Variants in TCF4 observed in about 807,000 individuals in gnomAD.
The protein encoded by TCF4 is transcription factor 4.
In TCF4, 3 loss-of-function variants were observed where a neutral mutation model predicts 82.1. That is an observed-to-expected ratio of 0.04 (90% CI 0.02 to 0.09). The LOEUF is 0.09. TCF4 is among the 10% of genes least tolerant of loss of function. The pLI is 1.00. For missense variants in TCF4, 518 were observed against 852.7 expected, an observed-to-expected ratio of 0.61 and a Z score of 4.89; for synonymous variants, 276 against 309.6, an observed-to-expected ratio of 0.89 and a Z score of 1.14.
chr18:55,330,411 C>T (rs2077337534), intron 8 of TCF4, among the ~76,000 whole-genome samples: 1 of 152,016 alleles, frequency 6.6e-6, no homozygotes, highest in African/African-American at 2.4e-5. Flanking sequence ...ATCTCTTGAC[C>T]TCGTGATCCG....
At chr18:55,423,627 A>T (rs2094865802) in intron 5 of TCF4, 1 of 152,248 alleles carries the variant, frequency 6.6e-6, no homozygotes, top group South Asian at 2.1e-4. Flanking sequence ...GAAAAACAAC[A>T]CAGAGCAGAT....
At chr18:55,453,527 T>C (rs961975339) in intron 5 of TCF4, among the ~76,000 whole-genome samples, 1 of 152,232 alleles carries the variant, frequency 6.6e-6, no homozygotes, top group Non-Finnish European at 1.5e-5. Context: ...TTAGAAGGTC[T>C]ATACATCTCT....
intron 8 of TCF4, among the ~76,000 whole-genome samples, chr18:55,320,480 T>A (rs2075224240): frequency 6.6e-6 from 1 of 152,246 alleles, no homozygotes; most frequent in South Asian, 2.1e-4. Context: ...AAACTGCACC[T>A]TCAAACAGTT....
intron 8 of TCF4, among the ~76,000 whole-genome samples, chr18:55,342,623 A>G (rs1430826226): frequency 6.6e-6 from 1 of 152,176 alleles, no homozygotes; most frequent in African/African-American, 2.4e-5. Context: ...AAAATGAGCT[A>G]AACACTGCTG....
intron 8 of TCF4, among the ~76,000 whole-genome samples, chr18:55,340,569 G>A (rs2079693380): frequency 1.6e-5 from 2 of 123,296 alleles, no homozygotes; most frequent in Non-Finnish European, 3.3e-5. Flanking sequence ...AGGTGACAGA[G>A]CAAGACCCCA....
intron 3 of TCF4, among the ~76,000 whole-genome samples, chr18:55,556,245 C>G (rs1032024310): frequency 3.3e-5 from 5 of 152,000 alleles, no homozygotes; most frequent in African/African-American, 1.2e-4. Context: ...CCACAATGCT[C>G]TGTATCTCAC....
intron 17 of TCF4, chr18:55,229,332 T>C (rs1020996379): frequency 7.7e-6 from 4 of 519,094 alleles, no homozygotes; most frequent in South Asian, 6.0e-5. Flanking sequence ...AAAGTTAGAG[T>C]GCAGGGTGTG....
chr18:55,358,464 T>C (rs999424425), intron 6 of TCF4, among the ~76,000 whole-genome samples: 1 of 152,212 alleles, frequency 6.6e-6, no homozygotes, highest in Non-Finnish European at 1.5e-5. Flanking sequence ...GTCTGCTAAG[T>C]GCCAGGCACA....
intron 1 of TCF4, chr18:55,635,568 G>T: frequency 2.7e-6 from 3 of 1,126,454 alleles, no homozygotes; most frequent in Non-Finnish European, 3.6e-6. Context: ...GGCAGGCCAA[G>T]TGCTGTGGAG....
rs2087283372 is a variant in TCF4 at position 55,366,818 on chromosome 18, A to G, written c.370-15815T>C. 2.6e-5 allele frequency among the ~76,000 whole-genome samples: 4 copies of G among 152,024 alleles called. No individual in the cohort carries two copies. The South Asian group carries it at 8.3e-4, about 31-fold the overall frequency. ...TTTTTCATTGCTGGTGAGCATTTTC[A>G]TATGTTTGCTCCATGGTCATTTTTT... On this transcript the variant is annotated intron_variant, in intron 6 of 19. Transcript: ENST00000354452.
At chr18:55,402,887 G>A (rs1219209215) in intron 6 of TCF4, among the ~76,000 whole-genome samples, 4 of 152,130 alleles carry the variant, frequency 2.6e-5, no homozygotes, top group Non-Finnish European at 4.4e-5. Flanking sequence ...TCTAGCTCAC[G>A]CATGCTTCCC....
chr18:55,603,822 G>C (rs2097699650), intron 2 of TCF4, among the ~76,000 whole-genome samples: 6 of 152,154 alleles, frequency 3.9e-5, no homozygotes, highest in Admixed American at 2.6e-4. Context: ...TTTGTTAGGA[G>C]GCCAGGAGAT....
At chr18:55,513,148 C>T (rs889379081) in intron 3 of TCF4, among the ~76,000 whole-genome samples, 18 of 152,144 alleles carry the variant, frequency 1.2e-4, no homozygotes, top group African/African-American at 1.7e-4. Context: ...GGCATGAAGA[C>T]GATAAAACAG....
At chr18:55,384,044 TCA>T (rs2092333400) in intron 6 of TCF4, 1 of 152,178 alleles carries the variant, frequency 6.6e-6, no homozygotes, top group South Asian at 2.1e-4. Context: ...TAAGAAAGAC[TCA>T]CAGTCACCTT....
At chr18:55,611,932 C>A (rs2097707428) in intron 2 of TCF4, among the ~76,000 whole-genome samples, 1 of 152,088 alleles carries the variant, frequency 6.6e-6, no homozygotes, top group Admixed American at 6.6e-5. Flanking sequence ...CCATGCCCAG[C>A]TCATTTTTTT....
At chr18:55,319,977 G>GAA (rs2075091112) in intron 8 of TCF4, among the ~76,000 whole-genome samples, 1 of 152,116 alleles carries the variant, frequency 6.6e-6, no homozygotes, top group African/African-American at 2.4e-5. Flanking sequence ...TATAATGTAA[G>GAA]TCTTTCATTA....
intron 5 of TCF4, among the ~76,000 whole-genome samples, chr18:55,443,060 G>A (rs1282523019): frequency 6.6e-6 from 1 of 152,204 alleles, no homozygotes; most frequent in African/African-American, 2.4e-5. Context: ...TGACCCTGCT[G>A]GCTTGTCACC....
At chr18:55,450,780 T>C (rs1385649853) in intron 5 of TCF4, among the ~76,000 whole-genome samples, 1 of 152,224 alleles carries the variant, frequency 6.6e-6, no homozygotes, top group Non-Finnish European at 1.5e-5. Flanking sequence ...AACTATCTCC[T>C]TGATGAAAAC....
intron 2 of TCF4, among the ~76,000 whole-genome samples, chr18:55,609,338 T>C (rs943287958): frequency 3.9e-5 from 6 of 152,184 alleles, no homozygotes; most frequent in Non-Finnish European, 7.4e-5. Flanking sequence ...AGGTTTTTCA[T>C]GAAAATCCTT....
Sources: allele counts gnomAD v4.1 joint callset (sites outside exome capture counted in the v4.1 genomes callset), GRCh38; gene constraint gnomAD v4.1.1; transcripts MANE v1.5; gene names NCBI Gene and HGNC (gene_info 2026-07-23, HGNC 2026-07-21).